Variants in CES5A observed in about 807,000 individuals in gnomAD.
CES5A encodes the protein carboxylesterase 5.
CES5A carries 67 observed loss-of-function variants against 62.9 expected under a neutral mutation model. The ratio of observed to expected loss-of-function variants is 1.07; its 90% CI spans 0.88 to 1.31. The LOEUF is 1.31. Ranked by LOEUF, CES5A falls within the 50% of genes most tolerant of loss-of-function variation. The pLI, the probability that CES5A is intolerant of heterozygous loss-of-function variation, is 0.00. For missense variants in CES5A, 748 were observed against 708.5 expected, an observed-to-expected ratio of 1.06 and a Z score of -0.63; for synonymous variants, 296 against 280.8, an observed-to-expected ratio of 1.05 and a Z score of -0.54.
intron 1 of CES5A, among the ~76,000 whole-genome samples, chr16:55,917,014 A>T (rs188191500): frequency 3.9e-5 from 6 of 152,010 alleles, no homozygotes; most frequent in Non-Finnish European, 8.8e-5. Context: ...TCCTCCTTCC[A>T]CCTTGGCATC....
chr16:55,941,145 C>T (rs1483240349), intron 2 of CES5A, among the ~76,000 whole-genome samples: 7 of 151,922 alleles, frequency 4.6e-5, no homozygotes, highest in African/African-American at 1.7e-4. Flanking sequence ...GAAGTCCTAG[C>T]TATTTGCAAT....
At chr16:55,926,265 A>T (rs933029781), upstream of CES5A, among the ~76,000 whole-genome samples, 7 of 152,204 alleles carry the variant, frequency 4.6e-5, no homozygotes, top group South Asian at 2.1e-4. Context: ...ATAAATTTTT[A>T]AAAAAGAATA....
At chr16:55,904,141 A>G (rs1289641281) in intron 1 of CES5A, among the ~76,000 whole-genome samples, 3 of 152,234 alleles carry the variant, frequency 2.0e-5, no homozygotes, top group Non-Finnish European at 4.4e-5. Flanking sequence ...GGGACTGAGG[A>G]AAATAAAAAT....
At chr16:55,862,014 G>T (rs1479597895) in intron 6 of CES5A, among the ~76,000 whole-genome samples, 2 of 152,080 alleles carry the variant, frequency 1.3e-5, no homozygotes, top group African/African-American at 4.8e-5. Context: ...CTCACAGCCT[G>T]GAATGTCCTA....
chr16:55,908,060 A>G (rs1032387642), intron 1 of CES5A, among the ~76,000 whole-genome samples: 28 of 151,988 alleles, frequency 1.8e-4, no homozygotes, highest in Non-Finnish European at 3.5e-4. Flanking sequence ...CTGACTTACT[A>G]TTCTCTTGTC....
At chr16:55,858,584 A>G (rs749748318) in intron 8 of CES5A, among the ~76,000 whole-genome samples, 4 of 152,246 alleles carry the variant, frequency 2.6e-5, no homozygotes, top group Non-Finnish European at 4.4e-5. Flanking sequence ...TGGAGGTCAA[A>G]TTAATAATGG....
intron 2 of CES5A, 158 bp from the exon 3 acceptor site, chr16:55,871,921 G>T: frequency 1.5e-6 from 1 of 671,342 alleles, no homozygotes; most frequent in Non-Finnish European, 2.5e-6. Context: ...AAACCCCCAT[G>T]GTTTCCAAAA....
chr16:55,879,958 C>T (rs1256376714), upstream of CES5A, among the ~76,000 whole-genome samples: 3 of 152,220 alleles, frequency 2.0e-5, no homozygotes, highest in African/African-American at 7.2e-5. Context: ...CCATGAAAAA[C>T]CACTTCTTCC....
intron 2 of CES5A, among the ~76,000 whole-genome samples, chr16:55,940,268 GAAA>G (rs1486025063): frequency 3.3e-5 from 5 of 151,888 alleles, no homozygotes; most frequent in African/African-American, 1.2e-4. Flanking sequence ...TCAATAATTG[GAAA>G]AATCAAAATG....
At chr16:55,848,129 G>C (rs4784592) in intron 11 of CES5A, among the ~76,000 whole-genome samples, 2 of 151,744 alleles carry the variant, frequency 1.3e-5, no homozygotes, top group Non-Finnish European at 2.9e-5. Flanking sequence ...TTTTTGAGAC[G>C]GGAGTCTCAC....
chr16:55,923,408 G>C (rs1281167641), intron 1 of CES5A, among the ~76,000 whole-genome samples: 1 of 151,636 alleles, frequency 6.6e-6, no homozygotes, highest in Admixed American at 6.6e-5. Flanking sequence ...CAACAAATTG[G>C]AAAACCTAGA....
upstream of CES5A, among the ~76,000 whole-genome samples, chr16:55,876,037 C>T (rs560046404): frequency 2.0e-5 from 3 of 152,316 alleles, no homozygotes; most frequent in South Asian, 6.2e-4. Flanking sequence ...CCCTGATTCT[C>T]CTGAACTTTT....
At chr16:55,929,828 A>T (rs567163666), upstream of CES5A, among the ~76,000 whole-genome samples, 118 of 152,288 alleles carry the variant, frequency 7.7e-4, no homozygotes, top group African/African-American at 2.5e-3. Flanking sequence ...GAAATTTTTT[A>T]AAATATTTTT....
At chr16:55,953,626 G>A (rs2034580204) in intron 1 of CES5A, among the ~76,000 whole-genome samples, 1 of 152,168 alleles carries the variant, frequency 6.6e-6, no homozygotes, top group South Asian at 2.1e-4. Flanking sequence ...GAGTTAGGAT[G>A]TGAAGGGAAA....
At chr16:55,890,058 A>G (rs1348285643) in intron 1 of CES5A, among the ~76,000 whole-genome samples, 3 of 152,204 alleles carry the variant, frequency 2.0e-5, no homozygotes, top group African/African-American at 7.2e-5. Context: ...ACTAAAAGAA[A>G]TTTTGAATGC....
At position 55,849,626 on chromosome 16, in the gene CES5A, A is replaced by G. The variant is rs780022647; in HGVS notation, c.1421T>C (p.Phe474Ser). The G allele has an allele frequency of 6.8e-6, 11 of 1,613,806 alleles. No homozygotes were observed. In the Admixed American group the frequency reaches 1.7e-4, roughly 24 times the overall value. Residue 474 changes from phenylalanine to serine, a missense_variant and splice_region_variant, in exon 11 of 13, where the codon TTC becomes TCC. Phe to Ser is a radical substitution (Grantham distance 155). Coordinates refer to ENST00000290567, the MANE Select transcript of CES5A (RefSeq NM_001143685.2). ...GTGGGAAGTGGCCAGTCCCTTACCG[A>G]ACATAACAATGTCCCCCTTCAGGAA... ...GAFLKGDIVM[F>S]EGATEEEKLL...
chr16:55,950,307 A>T (rs1304818424), intron 1 of CES5A, among the ~76,000 whole-genome samples: 1 of 152,222 alleles, frequency 6.6e-6, no homozygotes, highest in African/African-American at 2.4e-5. Flanking sequence ...TGAAGAACTA[A>T]ATTTAACAAA....
rs190319800 is a variant in CES5A, at chr16:55,846,355, T to C, written c.*96A>G. 4.5e-6 allele frequency: 4 copies of C among 889,482 alleles called. No homozygotes were observed. The highest frequency in any genetic ancestry group is 7.1e-6 in the Non-Finnish European group (4 of 560,186). 55.1% of individuals were successfully genotyped at this position (889,482 alleles called of 1,614,324 possible). A position where few individuals can be genotyped will look rare whatever the true frequency, so the allele number is the denominator to read the frequency against. On this transcript the variant is annotated 3_prime_UTR_variant, in exon 13 of 13. Coordinates refer to ENST00000290567, the MANE Select transcript of CES5A (RefSeq NM_001143685.2). ...GCGAAAGCAGCTTGTTTTGCAAGGA[T>C]CCCCATAGAAAGCAGCTGAGCTCAG...
chr16:55,890,327 C>T (rs2033863767), intron 1 of CES5A, among the ~76,000 whole-genome samples: 1 of 151,522 alleles, frequency 6.6e-6, no homozygotes, highest in African/African-American at 2.4e-5. Context: ...AATGAATATT[C>T]AGACATGATT....
Sources: allele counts gnomAD v4.1 joint callset (sites outside exome capture counted in the v4.1 genomes callset), GRCh38; gene constraint gnomAD v4.1.1; transcripts MANE v1.5; gene names NCBI Gene and HGNC (gene_info 2026-07-23, HGNC 2026-07-21).